ZNF136: variants seen among roughly 807,000 people sequenced by gnomAD.
ZNF136 encodes zinc finger protein 136 (clone pHZ-20).
In ZNF136, 8 loss-of-function variants were observed where a neutral mutation model predicts 11.4. That is an observed-to-expected ratio of 0.70 (90% CI 0.41 to 1.27). The LOEUF is 1.27. Ranked by LOEUF, ZNF136 falls within the 50% of genes most tolerant of loss-of-function variation. The pLI is 0.01. For synonymous variants in ZNF136, 190 were observed against 207.1 expected, an observed-to-expected ratio of 0.92 and a Z score of 0.71; for missense variants, 590 against 656.5, an observed-to-expected ratio of 0.90 and a Z score of 1.11.
At chr19:12,177,406 G>A (rs1272877055) in intron 1 of ZNF136, among the ~76,000 whole-genome samples, 9 of 152,156 alleles carry the variant, frequency 5.9e-5, no homozygotes, top group African/African-American at 1.9e-4. Flanking sequence ...GCAGTGGCGC[G>A]ATCTCGGCTC....
intron 1 of ZNF136, 118 bp downstream of exon 1, chr19:12,163,324 C>A: frequency 8.0e-7 from 1 of 1,245,738 alleles, no homozygotes; most frequent in South Asian, 2.9e-5. Flanking sequence ...CGTACCGAGT[C>A]CCTCTGGCGC....
intron 1 of ZNF136, among the ~76,000 whole-genome samples, chr19:12,182,424 G>T (rs1199851549): frequency 1.3e-5 from 2 of 152,206 alleles, no homozygotes; most frequent in Non-Finnish European, 2.9e-5. Flanking sequence ...CTCTTGGAGG[G>T]TCTAGTGAGT....
At chr19:12,173,256 C>A (rs1025911450) in intron 1 of ZNF136, among the ~76,000 whole-genome samples, 2 of 152,076 alleles carry the variant, frequency 1.3e-5, no homozygotes, top group Non-Finnish European at 2.9e-5. Context: ...AGCAGACAGG[C>A]CTTATTGGTT....
chr19:12,168,422 T>A (rs570148185), intron 1 of ZNF136, among the ~76,000 whole-genome samples: 2 of 151,804 alleles, frequency 1.3e-5, no homozygotes, highest in East Asian at 3.9e-4. Flanking sequence ...GGATATTGAG[T>A]TCTGTTAATG....
chr19:12,183,044 A>G (rs972793847), intron 1 of ZNF136, among the ~76,000 whole-genome samples: 20 of 152,138 alleles, frequency 1.3e-4, no homozygotes, highest in Non-Finnish European at 2.5e-4. Flanking sequence ...CTACCCTTAT[A>G]TTTGTTAAAA....
At chr19:12,179,021 A>G (rs915310730) in intron 1 of ZNF136, among the ~76,000 whole-genome samples, 1 of 152,064 alleles carries the variant, frequency 6.6e-6, no homozygotes, top group African/African-American at 2.4e-5. Context: ...AGAAAAAAAA[A>G]AAAGAAAAAT....
chr19:12,176,468 AG>A (rs1304198577), intron 1 of ZNF136, among the ~76,000 whole-genome samples: 1 of 152,012 alleles, frequency 6.6e-6, no homozygotes, highest in Non-Finnish European at 1.5e-5. Flanking sequence ...CTGGGATTAC[AG>A]GCGCTTGCCA....
At chr19:12,182,272 A>C (rs1389849351) in intron 1 of ZNF136, among the ~76,000 whole-genome samples, 2 of 151,932 alleles carry the variant, frequency 1.3e-5, no homozygotes, top group Non-Finnish European at 2.9e-5. Context: ...TCTAAGTGCA[A>C]ACCCTTATCA....
In ZNF136 at chr19:12,186,840, C is replaced by T. The variant is rs1306780868; in HGVS notation, c.462C>T (p.Ser154=). Residue 154 remains serine (S), a synonymous_variant, in exon 4 of 4, where the codon TCC becomes TCT. Transcript: ENST00000343979. The stretch of plus-strand genomic sequence containing the variant: ...GGAAACCCTTCAGTTCTCACCACTC[C>T]TTTCGAACACATGAGATAATTCACA... ...QCWKPFSSHH[S]FRTHEIIHTG... 1 of 1,614,138 alleles carries T rather than the reference C, an allele frequency of 6.2e-7. No homozygotes were observed.
chr19:12,170,393 C>CTTT (rs201586775), intron 1 of ZNF136, among the ~76,000 whole-genome samples: 1 of 144,078 alleles, frequency 6.9e-6, no homozygotes. Flanking sequence ...TCATAAACTT[C>CTTT]TTTTTTTTTT....
In ZNF136 at chr19:12,186,596, A is replaced by G; in HGVS notation, c.218A>G (p.Gln73Arg). The stretch of plus-strand genomic sequence containing the variant: ...AGTCATATGTTAGAAAGACTCTATC[A>G]AACTAAGGATGGTAGTCAGCGTGGA... ...LRSHMLERLY[Q>R]TKDGSQRGGI... The change falls in exon 4 of 4, where the codon CAA (glutamine) becomes CGA (arginine). Residue 73 changes from glutamine to arginine, a missense_variant. Transcript: ENST00000343979. 1 of 1,612,940 alleles carries G rather than the reference A, an allele frequency of 6.2e-7. No individual in the cohort carries two copies. The highest frequency in any genetic ancestry group is 8.5e-7 in the Non-Finnish European group (1 of 1,179,394).
At position 12,188,238 on chromosome 19, in the gene ZNF136, A is replaced by G; in HGVS notation, c.*237A>G. On this transcript the variant is annotated 3_prime_UTR_variant, in exon 4 of 4. Transcript: ENST00000343979. ...CCAAACAAATGCTTTTTGGAAAGGA[A>G]CCCATATTTGAGAGAAACCCTGGGT... is the stretch of plus-strand genomic sequence containing the variant. The G allele has an allele frequency of 2.7e-6, 1 of 372,544 alleles. No individual in the cohort carries two copies. Among genetic ancestry groups the G allele is most frequent in the Non-Finnish European group, 4.8e-6 (1 of 210,006 alleles). The allele number at this position is 372,544 out of a possible 1,614,324, so 23.1% of individuals were successfully genotyped here.
chr19:12,183,529 T>C (rs1157753052), intron 1 of ZNF136, among the ~76,000 whole-genome samples: 1 of 151,926 alleles, frequency 6.6e-6, no homozygotes, highest in Admixed American at 6.6e-5. Flanking sequence ...TCACTCTTCA[T>C]TATGGCTTCA....
chr19:12,172,515 C>T (rs531435910), intron 1 of ZNF136, among the ~76,000 whole-genome samples: 120 of 152,064 alleles, frequency 7.9e-4, no homozygotes, highest in Non-Finnish European at 1.5e-3. Context: ...TGACCATTGT[C>T]AGTTTAATCC....
intron 1 of ZNF136, among the ~76,000 whole-genome samples, chr19:12,176,471 C>T (rs980010149): frequency 4.6e-5 from 7 of 152,038 alleles, no homozygotes; most frequent in Non-Finnish European, 7.4e-5. Flanking sequence ...GGATTACAGG[C>T]GCTTGCCACC....
intron 1 of ZNF136, among the ~76,000 whole-genome samples, chr19:12,178,632 A>G (rs1316827638): frequency 6.6e-6 from 1 of 152,180 alleles, no homozygotes; most frequent in East Asian, 1.9e-4. Context: ...AAAAAATTCC[A>G]TTGCAATCAT....
intron 1 of ZNF136, among the ~76,000 whole-genome samples, chr19:12,168,057 CTTTTTTTTTTTTTTTTTT>C (rs386388563): frequency 2.8e-5 from 2 of 71,144 alleles, no homozygotes; most frequent in East Asian, 9.8e-4. Context: ...TTTTCTTTTT[CTTTTTTTTTTTTTTTTTT>C]TTTTTTTTTT....
Position 12,186,104 on chromosome 19 carries a change from T to A in ZNF136, c.131-10T>A. Reference sequence around the variant, plus strand: ...CACTAATTCAGAATTTTTCTGGGTCTCTGTTTTAGGGAAAAAATGGAAGGA... The same window carrying A: ...CACTAATTCAGAATTTTTCTGGGTCACTGTTTTAGGGAAAAAATGGAAGGA... On this transcript the variant is annotated splice_polypyrimidine_tract_variant and intron_variant, in intron 2 of 3. Transcript: ENST00000343979. The A allele has an allele frequency of 1.9e-6, 3 of 1,606,158 alleles. No individual in the cohort carries two copies. In the East Asian group the frequency reaches 6.7e-5, roughly 36 times the overall value.
chr19:12,175,364 T>G (rs1047840917), intron 1 of ZNF136, among the ~76,000 whole-genome samples: 1 of 152,016 alleles, frequency 6.6e-6, no homozygotes, highest in Non-Finnish European at 1.5e-5. Flanking sequence ...CTGGCTAATT[T>G]TTGTATTTTT....
Sources: gnomAD v4.1 joint callset for allele counts (sites outside exome capture counted in the v4.1 genomes callset) on GRCh38, gnomAD v4.1.1 for gene constraint, MANE v1.5 for transcripts, NCBI Gene and HGNC (gene_info 2026-07-23, HGNC 2026-07-21) for gene names.